APBB2: variants seen among roughly 807,000 people sequenced by gnomAD.
APBB2 encodes amyloid beta precursor protein binding family B member 2.
APBB2 carries 38 observed loss-of-function variants against 82.5 expected under a neutral mutation model. The ratio of observed to expected loss-of-function variants is 0.46; its 90% confidence interval spans 0.36 to 0.60. The LOEUF (loss-of-function observed/expected upper bound fraction) is 0.60, where lower values mean the gene tolerates loss of function less well. APBB2 is among the 20% of genes least tolerant of loss of function. APBB2 has a pLI of 0.00. For synonymous variants in APBB2, 341 were observed against 368.2 expected, an observed-to-expected ratio of 0.93 and a Z score of 0.85; for missense variants, 772 against 972.3, an observed-to-expected ratio of 0.79 and a Z score of 2.74.
intron 12 of APBB2, among the ~76,000 whole-genome samples, chr4:40,882,142 C>T (rs868070253): frequency 5.9e-5 from 9 of 152,040 alleles, no homozygotes; most frequent in African/African-American, 1.2e-4. Context: ...GTCATTTGAA[C>T]GGAGAATAGC....
At chr4:41,134,460 T>C (rs1757016506) in intron 2 of APBB2, among the ~76,000 whole-genome samples, 1 of 152,056 alleles carries the variant, frequency 6.6e-6, no homozygotes, top group African/African-American at 2.4e-5. Flanking sequence ...GGCGGGTGCC[T>C]GTAGTCCCAG....
chr4:40,882,655 A>G (rs1455187289), intron 12 of APBB2, among the ~76,000 whole-genome samples: 1 of 152,190 alleles, frequency 6.6e-6, no homozygotes, highest in Non-Finnish European at 1.5e-5. Flanking sequence ...AGAGTCTAAC[A>G]GGTAGCAGAC....
chr4:41,192,149 T>C (rs1226628971), intron 1 of APBB2, among the ~76,000 whole-genome samples: 1 of 152,178 alleles, frequency 6.6e-6, no homozygotes, highest in Non-Finnish European at 1.5e-5. Context: ...CAAATGTTGT[T>C]GAAGGTGTGG....
intron 1 of APBB2, among the ~76,000 whole-genome samples, chr4:41,189,494 T>A (rs749512291): frequency 6.6e-6 from 1 of 152,044 alleles, no homozygotes; most frequent in Non-Finnish European, 1.5e-5. Context: ...ATGTAAAAGG[T>A]TAATGGGTAA....
intron 2 of APBB2, among the ~76,000 whole-genome samples, chr4:41,117,565 A>G (rs1477345551): frequency 1.3e-5 from 2 of 152,144 alleles, no homozygotes; most frequent in Non-Finnish European, 2.9e-5. Context: ...TGCTGGGATT[A>G]CAGGCGTGAG....
intron 4 of APBB2, among the ~76,000 whole-genome samples, chr4:41,039,966 G>T (rs1183873470): frequency 6.6e-6 from 1 of 151,930 alleles, no homozygotes; most frequent in Non-Finnish European, 1.5e-5. Context: ...TGTATACCTG[G>T]CATAAGTAAG....
chr4:40,822,887 T>C (rs1050889555), intron 16 of APBB2, among the ~76,000 whole-genome samples: 1 of 152,046 alleles, frequency 6.6e-6, no homozygotes, highest in Non-Finnish European at 1.5e-5. Flanking sequence ...GCATGGAGGG[T>C]GCAGTGCTTG....
At chr4:41,067,481 C>T (rs142231226) in intron 3 of APBB2, among the ~76,000 whole-genome samples, 49 of 150,834 alleles carry the variant, frequency 3.2e-4, no homozygotes, top group Non-Finnish European at 5.3e-4. Flanking sequence ...TATTCTTGAG[C>T]GTAAAGCCTG....
At chr4:40,969,612 T>G (rs1303608454) in intron 6 of APBB2, among the ~76,000 whole-genome samples, 2 of 152,188 alleles carry the variant, frequency 1.3e-5, no homozygotes, top group Non-Finnish European at 2.9e-5. Context: ...CCCCATTTAA[T>G]TTTGCTATCA....
chr4:41,200,867 T>G (rs546100661), intron 1 of APBB2, among the ~76,000 whole-genome samples: 14 of 152,298 alleles, frequency 9.2e-5, no homozygotes, highest in African/African-American at 3.4e-4. Flanking sequence ...ATTCAGGGTG[T>G]GTGTACATGT....
chr4:41,113,197 G>GA (rs1749818710), intron 2 of APBB2, among the ~76,000 whole-genome samples: 1 of 152,146 alleles, frequency 6.6e-6, no homozygotes, highest in African/African-American at 2.4e-5. Context: ...CCTGATGAGA[G>GA]AAAAAATATC....
chr4:40,902,198 G>A (rs6855013), intron 10 of APBB2, among the ~76,000 whole-genome samples: 12 of 152,072 alleles, frequency 7.9e-5, no homozygotes, highest in African/African-American at 2.9e-4. Flanking sequence ...ATAATGTTAA[G>A]TAAGGATTTA....
At chr4:40,849,536 CA>C (rs902490842) in intron 12 of APBB2, among the ~76,000 whole-genome samples, 2 of 152,114 alleles carry the variant, frequency 1.3e-5, no homozygotes, top group Non-Finnish European at 2.9e-5. Flanking sequence ...CTCTGCTTAT[CA>C]TTTAGGGAAA....
rs1452225391 is a variant in APBB2 at position 41,013,756 on chromosome 4, C to T, written c.662G>A (p.Gly221Asp). 1 of 1,614,152 alleles carries T rather than the reference C, an allele frequency of 6.2e-7. No individual in the cohort carries two copies. Among genetic ancestry groups the T allele is most frequent in the South Asian group, 1.1e-5 (1 of 91,074 alleles). Reference sequence around the variant, plus strand: ...GCTGGATGACACTGTGGCTACTTGGCCGTCTTCAGGGCTGGACTGGGGTCT... The same window carrying T: ...GCTGGATGACACTGTGGCTACTTGGTCGTCTTCAGGGCTGGACTGGGGTCT... ...PNRPQSSPEDGQVATVSSSPE... is the reference protein window; with the variant it reads ...PNRPQSSPEDDQVATVSSSPE... Residue 221 changes from glycine (G) to aspartate (D), a missense_variant, in exon 6 of 18, where the codon GGC becomes GAC. Gly to Asp is a moderately conservative substitution (Grantham distance 94, BLOSUM62 -1). Transcript: ENST00000508593.
chr4:41,011,116 C>T (rs191262707), intron 6 of APBB2, among the ~76,000 whole-genome samples: 144 of 150,712 alleles, frequency 9.6e-4, no homozygotes, highest in Middle Eastern at 3.4e-3. Context: ...ATCATCACAA[C>T]ATTTGGGTAA....
intron 6 of APBB2, among the ~76,000 whole-genome samples, chr4:40,957,585 CTTT>C (rs34411160): frequency 2.8e-4 from 40 of 142,502 alleles, no homozygotes; most frequent in South Asian, 4.6e-4. Flanking sequence ...CCTCATATTC[CTTT>C]TTTTTTTTTT....
At chr4:40,902,678 T>C (rs111626394) in intron 10 of APBB2, among the ~76,000 whole-genome samples, 5,855 of 152,176 alleles carry the variant, frequency 0.038, 363 homozygotes, top group African/African-American at 0.13. Flanking sequence ...GGACTACAGG[T>C]GCCTACCACA....
At chr4:41,149,758 G>A (rs1007216302) in intron 1 of APBB2, among the ~76,000 whole-genome samples, 2 of 152,144 alleles carry the variant, frequency 1.3e-5, no homozygotes, top group African/African-American at 4.8e-5. Context: ...CCAGTGGGCG[G>A]TAACTGAATC....
At chr4:40,985,348 T>TA (rs1160524220) in intron 6 of APBB2, among the ~76,000 whole-genome samples, 2 of 152,176 alleles carry the variant, frequency 1.3e-5, no homozygotes, top group Admixed American at 6.5e-5. Context: ...GAAAAATAAT[T>TA]AAACAACCCA....
Sources: allele counts gnomAD v4.1 joint callset (sites outside exome capture counted in the v4.1 genomes callset), GRCh38; gene constraint gnomAD v4.1.1; transcripts MANE v1.5; gene names NCBI Gene and HGNC (gene_info 2026-07-23, HGNC 2026-07-21).